STAT5B: variants seen among roughly 807,000 people sequenced by gnomAD.
STAT5B encodes signal transducer and activator of transcription 5B.
In STAT5B, 21 loss-of-function variants were observed where a neutral mutation model predicts 107.8. The ratio of observed to expected loss-of-function variants is 0.19; its 90% CI spans 0.14 to 0.28. The LOEUF is 0.28. Among genes scored for constraint, STAT5B ranks in the 10% least tolerant of loss-of-function variants. The probability of loss-of-function intolerance (pLI) is 1.00; values close to 1 mark genes in which losing one functional copy is unlikely to be tolerated. For missense variants in STAT5B, 565 were observed against 1,008.2 expected, an observed-to-expected ratio of 0.56 and a Z score of 5.95; for synonymous variants, 325 against 401.7, an observed-to-expected ratio of 0.81 and a Z score of 2.28.
chr17:42,235,001 T>C (rs1251606783), intron 1 of STAT5B: 1 of 152,254 alleles, frequency 6.6e-6, no homozygotes, highest in Non-Finnish European at 1.5e-5. Context: ...GCCCTCACCA[T>C]AGCTCTCAAT....
At chr17:42,273,586 C>T (rs1598345668) in intron 1 of STAT5B, among the ~76,000 whole-genome samples, 1 of 152,158 alleles carries the variant, frequency 6.6e-6, no homozygotes, top group African/African-American at 2.4e-5. Context: ...ATAGAATGTC[C>T]AGAAATCTGT....
intron 1 of STAT5B, among the ~76,000 whole-genome samples, chr17:42,257,502 A>T (rs2080556678): frequency 6.6e-6 from 1 of 152,250 alleles, no homozygotes; most frequent in African/African-American, 2.4e-5. Context: ...TGTGCAAAAC[A>T]AATCGGGTCC....
intron 1 of STAT5B, among the ~76,000 whole-genome samples, chr17:42,264,921 C>A (rs1276181022): frequency 1.6e-5 from 2 of 124,166 alleles, no homozygotes; most frequent in East Asian, 4.4e-4. Flanking sequence ...GAGATGGTAT[C>A]TCATTGTGGT....
At chr17:42,265,901 C>G (rs1349962545) in intron 1 of STAT5B, among the ~76,000 whole-genome samples, 1 of 151,852 alleles carries the variant, frequency 6.6e-6, no homozygotes. Flanking sequence ...ATTTGTAGTT[C>G]TTCTTTTGTT....
At chr17:42,272,172 C>G (rs536456482) in intron 1 of STAT5B, 2 of 152,308 alleles carry the variant, frequency 1.3e-5, no homozygotes, top group African/African-American at 4.8e-5. Context: ...TTAAGTGATC[C>G]AGGAGAGTAA....
Position 42,215,282 on chromosome 17 carries a change from C to T in STAT5B, c.1473+732G>A, listed in dbSNP as rs550791982. On this transcript the variant is annotated intron_variant, in intron 12 of 18. Transcript: ENST00000293328. ...AAAGTAAGCCTCTGGAGAGATCTAA[C>T]CTCTGGAGTGAACCTAGGAGTCCCA... Among the ~76,000 whole-genome samples the T allele has an allele frequency of 1.2e-4, 19 of 152,272 alleles. No individual in the cohort carries two copies. In the East Asian group the frequency reaches 3.5e-3, roughly 28 times the overall value.
At chr17:42,274,536 C>T (rs1032368421) in intron 1 of STAT5B, among the ~76,000 whole-genome samples, 2 of 152,158 alleles carry the variant, frequency 1.3e-5, no homozygotes, top group Non-Finnish European at 2.9e-5. Context: ...TGTGATCTTC[C>T]ATGAGATGGA....
intron 1 of STAT5B, among the ~76,000 whole-genome samples, chr17:42,244,912 A>T (rs557033957): frequency 1.3e-5 from 2 of 151,984 alleles, no homozygotes; most frequent in East Asian, 3.9e-4. Flanking sequence ...TTATTTATTT[A>T]TTTTTTTGAG....
At chr17:42,214,119 G>T (rs1051498832) in intron 12 of STAT5B, 3 of 732,742 alleles carry the variant, frequency 4.1e-6, no homozygotes, top group African/African-American at 1.9e-5. Context: ...CTCCAGCCTG[G>T]GTGACAGAGC....
Position 42,218,087 on chromosome 17 carries a change from CT to C in STAT5B, c.1169+63del, listed in dbSNP as rs946819325. ...GGGATCTGACACAGGAGGCAGAATT[CT>C]TTTTTTCCTGTTGCCAGGACATGAG... is the stretch of plus-strand genomic sequence containing the variant. On this transcript the variant is annotated intron_variant, in intron 9 of 18. Coordinates refer to ENST00000293328, the MANE Select transcript of STAT5B (RefSeq NM_012448.4). 6 of 1,573,834 alleles carry C rather than the reference CT, an allele frequency of 3.8e-6. No individual in the cohort carries two copies. The South Asian group carries it at 5.8e-5, about 15-fold the overall frequency.
At chr17:42,263,821 C>T (rs2080639557) in intron 1 of STAT5B, among the ~76,000 whole-genome samples, 1 of 150,936 alleles carries the variant, frequency 6.6e-6, no homozygotes, top group South Asian at 2.1e-4. Flanking sequence ...GTCACTGTGC[C>T]CAGCCATAAT....
chr17:42,263,839 T>C (rs892732143), intron 1 of STAT5B, among the ~76,000 whole-genome samples: 1 of 148,756 alleles, frequency 6.7e-6, no homozygotes, highest in Non-Finnish European at 1.5e-5. Context: ...AATCTGTTTA[T>C]TATAGAAAAA....
intron 4 of STAT5B, among the ~76,000 whole-genome samples, chr17:42,224,348 A>ATT (rs551186127): frequency 5.6e-4 from 80 of 144,108 alleles, no homozygotes; most frequent in African/African-American, 2.0e-3. Context: ...CTTCTATTTC[A>ATT]TTTTTTTTTT....
At chr17:42,251,047 G>T (rs1453454161) in intron 1 of STAT5B, among the ~76,000 whole-genome samples, 1 of 150,844 alleles carries the variant, frequency 6.6e-6, no homozygotes, top group Non-Finnish European at 1.5e-5. Flanking sequence ...ATTCACAAAT[G>T]AATACAAAAA....
chr17:42,281,457 A>G (rs72820901), upstream of STAT5B, among the ~76,000 whole-genome samples: 734 of 152,340 alleles, frequency 4.8e-3, 3 homozygotes, highest in Middle Eastern at 0.01. Flanking sequence ...TTAGTAAAAT[A>G]GACAGTTTTT....
At position 42,217,155 on chromosome 17, in the gene STAT5B, T is replaced by C. The variant is rs761034059; in HGVS notation, c.1380+5A>G. The C allele has an allele frequency of 6.2e-7, 1 of 1,610,862 alleles. No homozygotes were observed. The highest frequency in any genetic ancestry group is 8.5e-7 in the Non-Finnish European group (1 of 1,178,522). ...CGCACACGCAGAGCTGAGGGAAGGC[T>C]TTACCTTGACTTGAAAAACCAGCTC... On this transcript the variant is annotated splice_donor_5th_base_variant and intron_variant, in intron 11 of 18. Transcript: ENST00000293328.
intron 13 of STAT5B, among the ~76,000 whole-genome samples, chr17:42,211,365 G>T (rs900607900): frequency 6.6e-6 from 1 of 151,836 alleles, no homozygotes; most frequent in African/African-American, 2.4e-5. Context: ...AAATTGCGGG[G>T]CGTGGTGCCG....
At chr17:42,202,566 C>T (rs922601846) in intron 17 of STAT5B, 119 bp from the exon 18 acceptor site, 29 of 1,439,226 alleles carry the variant, frequency 2.0e-5, no homozygotes, top group Non-Finnish European at 2.5e-5. Context: ...GTGCCCCACT[C>T]GGCCCTGGGG....
chr17:42,278,967 G>A (rs1241913976), upstream of STAT5B, among the ~76,000 whole-genome samples: 2 of 151,116 alleles, frequency 1.3e-5, no homozygotes, highest in Admixed American at 6.6e-5. Flanking sequence ...GCGACAGAGT[G>A]AGACTCCATC....
Sources: gnomAD v4.1 joint callset for allele counts (sites outside exome capture counted in the v4.1 genomes callset) on GRCh38, gnomAD v4.1.1 for gene constraint, MANE v1.5 for transcripts, NCBI Gene and HGNC (gene_info 2026-07-23, HGNC 2026-07-21) for gene names.